The following GPC5 variants were observed in gnomAD, a reference collection of about 807,000 sequenced individuals.
GPC5 encodes the protein glypican 5, also known as glypican-5.
Under a neutral mutation model 53.9 loss-of-function variants are expected in GPC5, and 47 were observed. That is an observed-to-expected ratio of 0.87 (90% CI 0.69 to 1.11). GPC5 has a LOEUF of 1.11. Among genes scored for constraint, GPC5 ranks in the 50% most tolerant of loss-of-function variants. The probability of loss-of-function intolerance (pLI) is 0.00; values close to 1 mark genes in which losing one functional copy is unlikely to be tolerated. For synonymous variants in GPC5, 286 were observed against 263.3 expected, an observed-to-expected ratio of 1.09 and a Z score of -0.84; for missense variants, 748 against 713.1, an observed-to-expected ratio of 1.05 and a Z score of -0.56.
chr13:92,394,492 T>A (rs1019130895), intron 7 of GPC5, among the ~76,000 whole-genome samples: 2 of 152,042 alleles, frequency 1.3e-5, no homozygotes, highest in Non-Finnish European at 2.9e-5. Flanking sequence ...AAACAAGAAG[T>A]TGACATTCTG....
intron 7 of GPC5, among the ~76,000 whole-genome samples, chr13:92,538,475 A>G (rs527688574): frequency 6.1e-4 from 78 of 127,066 alleles, no homozygotes; most frequent in Non-Finnish European, 1.1e-3. Flanking sequence ...TTTTTTTTTT[A>G]ATTACACTTT....
At chr13:91,420,453 C>T (rs943024027) in intron 1 of GPC5, among the ~76,000 whole-genome samples, 3 of 152,156 alleles carry the variant, frequency 2.0e-5, no homozygotes, top group Non-Finnish European at 4.4e-5. Context: ...TGGCTTTCAG[C>T]ATGTCAAGCT....
At chr13:91,459,679 G>A (rs904739697) in intron 2 of GPC5, among the ~76,000 whole-genome samples, 2 of 152,104 alleles carry the variant, frequency 1.3e-5, no homozygotes, top group African/African-American at 4.8e-5. Context: ...GAGGAAATTG[G>A]TGGTGTGACA....
chr13:91,756,319 G>GTA lies in GPC5; in HGVS notation c.1180_1181dup (p.Arg395ThrfsTer8). ...GAGAATTTATCAACAGCCTTCGACTGTACAGGTCATTCTATGGAGGTCTAG... is the reference window on the plus strand; with the variant it reads ...GAGAATTTATCAACAGCCTTCGACTGTATACAGGTCATTCTATGGAGGTCTAG... On this transcript the variant is annotated frameshift_variant, in exon 5 of 8. Coordinates refer to ENST00000377067, the MANE Select transcript of GPC5 (RefSeq NM_004466.6). LOFTEE classifies it high-confidence loss of function. 1 of 1,576,514 alleles carries GTA rather than the reference G, an allele frequency of 6.3e-7. No homozygotes were observed. The highest frequency in any genetic ancestry group is 8.7e-7 in the Non-Finnish European group (1 of 1,153,196).
chr13:91,399,223 A>AG lies in GPC5; in HGVS notation c.163+19dup, dbSNP rs770382812. 1 of 1,609,548 alleles carries AG rather than the reference A, an allele frequency of 6.2e-7. No individual in the cohort carries two copies. Among genetic ancestry groups the AG allele is most frequent in the Non-Finnish European group, 8.5e-7 (1 of 1,178,702 alleles). On this transcript the variant is annotated intron_variant, in intron 1 of 7. Transcript: ENST00000377067. ...CGCCGCGGGCAGGTAAGGGGCAATG[A>AG]GGGGGTCTCTGGACTGGCGGCGTCC... is the stretch of plus-strand genomic sequence containing the variant.
intron 5 of GPC5, among the ~76,000 whole-genome samples, chr13:91,808,076 C>A (rs1219182450): frequency 6.6e-6 from 1 of 151,962 alleles, no homozygotes; most frequent in East Asian, 1.9e-4. Context: ...TCTATTACTT[C>A]TAGACTGTTT....
At chr13:91,863,810 A>G (rs1406333265) in intron 5 of GPC5, among the ~76,000 whole-genome samples, 2 of 152,094 alleles carry the variant, frequency 1.3e-5, no homozygotes, top group African/African-American at 4.8e-5. Context: ...CCCAGCCTGG[A>G]CTTCTCTCTC....
chr13:92,226,931 G>A (rs529008330), intron 7 of GPC5, among the ~76,000 whole-genome samples: 2 of 152,212 alleles, frequency 1.3e-5, no homozygotes, highest in East Asian at 1.9e-4. Context: ...GAAGTAACCC[G>A]TATGCTCAAC....
At chr13:91,628,266 TTC>T (rs1169345574) in intron 2 of GPC5, among the ~76,000 whole-genome samples, 2 of 152,128 alleles carry the variant, frequency 1.3e-5, no homozygotes, top group East Asian at 3.9e-4. Flanking sequence ...AGCTTTTTTT[TTC>T]CATTAAGTTA....
At chr13:91,791,678 G>GTTTAATTACATCAAC (rs1566686505) in intron 5 of GPC5, among the ~76,000 whole-genome samples, 1 of 151,390 alleles carries the variant, frequency 6.6e-6, no homozygotes, top group Non-Finnish European at 1.5e-5. Flanking sequence ...ACAATTGTAT[G>GTTTAATTACATCAAC]AGGCAGCTCT....
chr13:92,535,598 C>A (rs187375210), intron 7 of GPC5, among the ~76,000 whole-genome samples: 106 of 151,522 alleles, frequency 7.0e-4, no homozygotes, highest in African/African-American at 9.9e-4. Context: ...AGAATAAGTT[C>A]TTGAGGAAGG....
intron 2 of GPC5, among the ~76,000 whole-genome samples, chr13:91,546,031 T>A (rs527809924): frequency 3.7e-4 from 56 of 152,230 alleles, no homozygotes; most frequent in Non-Finnish European, 7.9e-4. Flanking sequence ...TAGCACAGAT[T>A]TATATAATGT....
At chr13:92,087,183 G>C (rs2041342502) in intron 6 of GPC5, among the ~76,000 whole-genome samples, 1 of 152,212 alleles carries the variant, frequency 6.6e-6, no homozygotes, top group South Asian at 2.1e-4. Flanking sequence ...GGGAGAGTGT[G>C]ATGCTTTCTT....
chr13:92,225,854 C>A (rs1336917103), intron 7 of GPC5, among the ~76,000 whole-genome samples: 2 of 152,048 alleles, frequency 1.3e-5, no homozygotes, highest in African/African-American at 4.8e-5. Context: ...AACTATGAGG[C>A]ATTAGCTGAA....
chr13:91,879,666 T>C (rs1199455347), intron 5 of GPC5, among the ~76,000 whole-genome samples: 2 of 152,110 alleles, frequency 1.3e-5, no homozygotes, highest in Non-Finnish European at 1.5e-5. Flanking sequence ...AAAAGCGCCA[T>C]CTCCAAAAAC....
At chr13:92,010,174 C>T (rs2040647882) in intron 6 of GPC5, among the ~76,000 whole-genome samples, 1 of 152,156 alleles carries the variant, frequency 6.6e-6, no homozygotes, top group African/African-American at 2.4e-5. Flanking sequence ...CATTCCCTAT[C>T]CTTCTTTCCT....
chr13:92,068,514 T>C (rs1878193489), intron 6 of GPC5, among the ~76,000 whole-genome samples: 2 of 151,650 alleles, frequency 1.3e-5, no homozygotes, highest in African/African-American at 2.4e-5. Flanking sequence ...AAGAATTCTC[T>C]TACAGTTCTT....
At chr13:92,037,761 G>A (rs1449385754) in intron 6 of GPC5, among the ~76,000 whole-genome samples, 1 of 152,052 alleles carries the variant, frequency 6.6e-6, no homozygotes, top group Non-Finnish European at 1.5e-5. Flanking sequence ...AACTTAGATG[G>A]CAAATATAAA....
intron 7 of GPC5, among the ~76,000 whole-genome samples, chr13:92,616,485 C>T (rs572890370): frequency 8.0e-4 from 122 of 152,156 alleles, no homozygotes; most frequent in Non-Finnish European, 1.1e-3. Context: ...GATTGTACAG[C>T]GATTTATGAA....
Sources: gnomAD v4.1 joint callset for allele counts (sites outside exome capture counted in the v4.1 genomes callset) on GRCh38, gnomAD v4.1.1 for gene constraint, MANE v1.5 for transcripts, NCBI Gene and HGNC (gene_info 2026-07-23, HGNC 2026-07-21) for gene names.